Variants in SDR42E1 observed in about 807,000 individuals in gnomAD.
SDR42E1 encodes short chain dehydrogenase/reductase family 42E, member 1.
In SDR42E1, 5 loss-of-function variants were observed where a neutral mutation model predicts 2.6. That is an observed-to-expected ratio of 1.94 (90% confidence interval 1.01 to 4.08). The LOEUF is 4.08. SDR42E1 is among the 30% of genes most tolerant of loss of function. The pLI is 0.00. For synonymous variants in SDR42E1, 231 were observed against 188.3 expected (o/e 1.23, Z -1.86); for missense variants, 596 against 478.6 (o/e 1.25, Z -2.29).
rs2143824569 is a variant in SDR42E1 at position 81,990,643 on chromosome 16, G to A, written c.*8468C>T. The A allele has an allele frequency of 6.6e-6, 1 of 152,284 alleles. No homozygotes were observed. The highest frequency in any genetic ancestry group is 1.9e-4 in the East Asian group (1 of 5,178). 9.4% of individuals were successfully genotyped at this position (152,284 alleles called of 1,614,324 possible). A position where few individuals can be genotyped will look rare whatever the true frequency, so the allele number is the denominator to read the frequency against. ...ACAAGTTCCCCCAAGAGATAAGCAG[G>A]GAATGTTTTATCTCCACTTTACAGA... is the stretch of plus-strand genomic sequence containing the variant. On this transcript the variant is annotated 3_prime_UTR_variant, in exon 3 of 3. Transcript: ENST00000328945.
At chr16:82,008,691 T>C (rs1417963649) in intron 1 of SDR42E1, among the ~76,000 whole-genome samples, 1 of 152,206 alleles carries the variant, frequency 6.6e-6, no homozygotes, top group Non-Finnish European at 1.5e-5. Flanking sequence ...GAGTGTAGGT[T>C]TGAAAAATTT....
chr16:81,989,063 C>G lies in SDR42E1; in HGVS notation c.*10048G>C, dbSNP rs1340793898. 1 of 151,958 alleles carries G rather than the reference C, an allele frequency of 6.6e-6. No individual in the cohort carries two copies. The highest frequency in any genetic ancestry group is 2.4e-5 in the African/African-American group (1 of 41,332). 9.4% of individuals were successfully genotyped at this position (151,958 alleles called of 1,614,324 possible). ...GTGTCTTATATATAGGGTGATCGTA[C>G]AATTTATTATACAAAATGGGACATA... On this transcript the variant is annotated 3_prime_UTR_variant, in exon 3 of 3. Transcript: ENST00000328945.
At chr16:82,000,349 T>C in intron 2 of SDR42E1, 125 bp from the exon 3 acceptor site, 1 of 1,146,098 alleles carries the variant, frequency 8.7e-7, no homozygotes, top group Non-Finnish European at 1.3e-6. Context: ...CCTGAGCCCC[T>C]CACTATGCAT....
In SDR42E1 at chr16:81,995,295, T is replaced by C. The variant is rs1357938553; in HGVS notation, c.*3816A>G. ...GTGCACAAGTGTGAGCATAATTTTATTGTTAGGCAGGGTTGAGTGATTCAA... is the reference window on the plus strand; with the variant it reads ...GTGCACAAGTGTGAGCATAATTTTACTGTTAGGCAGGGTTGAGTGATTCAA... On this transcript the variant is annotated 3_prime_UTR_variant, in exon 3 of 3. Transcript: ENST00000328945. The C allele has an allele frequency of 2.0e-5, 3 of 152,236 alleles. No homozygotes were observed. In the South Asian group the frequency reaches 6.2e-4, roughly 32 times the overall value. 9.4% of individuals were successfully genotyped at this position (152,236 alleles called of 1,614,324 possible).
rs1912489749 is a variant in SDR42E1 at position 81,994,159 on chromosome 16, A to T, written c.*4952T>A. On this transcript the variant is annotated 3_prime_UTR_variant, in exon 3 of 3. Transcript: ENST00000328945. ...GTGAACTGAAGACTCACGTGAGAGG[A>T]CGATCTGGAATGATGAGCGTCCCGC... The T allele has an allele frequency of 6.6e-6, 1 of 152,170 alleles. No individual in the cohort carries two copies. Among genetic ancestry groups the T allele is most frequent in the South Asian group, 2.1e-4 (1 of 4,828 alleles). 9.4% of individuals were successfully genotyped at this position (152,170 alleles called of 1,614,324 possible).
intron 1 of SDR42E1, among the ~76,000 whole-genome samples, chr16:82,010,530 T>C (rs556224479): frequency 6.6e-6 from 1 of 152,268 alleles, no homozygotes; most frequent in Admixed American, 6.5e-5. Context: ...CTGCCTCCCA[T>C]TCTATTCATG....
intron 1 of SDR42E1, among the ~76,000 whole-genome samples, chr16:82,008,559 C>A (rs982890481): frequency 6.6e-6 from 1 of 152,184 alleles, no homozygotes; most frequent in African/African-American, 2.4e-5. Flanking sequence ...TATGTTTTAG[C>A]AAAGAGACTG....
chr16:81,994,797 G>T lies in SDR42E1; in HGVS notation c.*4314C>A, dbSNP rs1912504158. The T allele has an allele frequency of 6.6e-6, 1 of 152,198 alleles. No individual in the cohort carries two copies. 9.4% of individuals were successfully genotyped at this position (152,198 alleles called of 1,614,324 possible). A position where few individuals can be genotyped will look rare whatever the true frequency, so the allele number is the denominator to read the frequency against. The stretch of plus-strand genomic sequence containing the variant: ...CCGGAGATTTGGAAAGCAATACAAG[G>T]TAGAAGCAGCCCCAACAATCTACGA... On this transcript the variant is annotated 3_prime_UTR_variant, in exon 3 of 3. Transcript: ENST00000328945.
chr16:82,007,270 C>A (rs1014178197), intron 1 of SDR42E1, among the ~76,000 whole-genome samples: 1 of 152,230 alleles, frequency 6.6e-6, no homozygotes, highest in African/African-American at 2.4e-5. Flanking sequence ...GTACTTTCTT[C>A]TTCACTAGGT....
chr16:82,005,840 A>G (rs561739745), intron 1 of SDR42E1, among the ~76,000 whole-genome samples: 1 of 152,286 alleles, frequency 6.6e-6, no homozygotes, highest in South Asian at 2.1e-4. Flanking sequence ...AACAAAAAAA[A>G]CCTTAATTAC....
chr16:81,999,261 C>T lies in SDR42E1; in HGVS notation c.1032G>A (p.Gln344=), dbSNP rs765352377. 4.3e-6 allele frequency: 7 copies of T among 1,614,098 alleles called. No individual in the cohort carries two copies. In the African/African-American group the frequency reaches 8.0e-5, roughly 18 times the overall value. The change falls in exon 3 of 3, where the codon CAG becomes CAA. Residue 344 remains glutamine (Q), a synonymous_variant. Coordinates refer to ENST00000328945, the MANE Select transcript of SDR42E1 (RefSeq NM_145168.3). ...GGGCTTTAAACCATTCCACTGCTTC[C>T]TGGAGGTCAAATGGCTGAGCCTTAT... ...LGYKAQPFDL[Q]EAVEWFKAHG... is the part of the protein sequence containing the mutation.
rs1286274597 is a variant in SDR42E1 at position 81,994,094 on chromosome 16, G to A, written c.*5017C>T. ...ACACCAGGACATGCTGCGATTCCTG[G>A]AGAAAAATCGAACTTAAAGGACCTT... On this transcript the variant is annotated 3_prime_UTR_variant, in exon 3 of 3. Coordinates refer to ENST00000328945, the MANE Select transcript of SDR42E1 (RefSeq NM_145168.3). 6.6e-6 allele frequency: 1 copy of A among 152,146 alleles called. No homozygotes were observed. Among genetic ancestry groups the A allele is most frequent in the African/African-American group, 2.4e-5 (1 of 41,420 alleles). The allele number at this position is 152,146 out of a possible 1,614,324, so 9.4% of individuals were successfully genotyped here.
intron 1 of SDR42E1, among the ~76,000 whole-genome samples, chr16:82,009,688 A>G (rs74848839): frequency 0.018 from 2,719 of 152,372 alleles, 92 homozygotes; most frequent in African/African-American, 0.063. Flanking sequence ...GCCTTGCCTC[A>G]GATGAGACTT....
chr16:82,008,445 A>G (rs1913020265), intron 1 of SDR42E1, among the ~76,000 whole-genome samples: 1 of 152,228 alleles, frequency 6.6e-6, no homozygotes, highest in Admixed American at 6.5e-5. Flanking sequence ...GACTTGTTGA[A>G]TGGCTTTCAC....
intron 1 of SDR42E1, among the ~76,000 whole-genome samples, chr16:82,008,700 T>A (rs532302852): frequency 6.6e-6 from 1 of 152,138 alleles, no homozygotes; most frequent in Non-Finnish European, 1.5e-5. Flanking sequence ...TTTGAAAAAT[T>A]TGCAGCCTAA....
intron 2 of SDR42E1, 96 bp downstream of exon 2, chr16:82,000,695 A>C: frequency 1.1e-6 from 1 of 905,508 alleles, no homozygotes. Context: ...TTGACATTAC[A>C]CAAACAAGTA....
In SDR42E1 at chr16:81,996,948, C is replaced by CT; in HGVS notation, c.*2162dup. 6.6e-6 allele frequency: 1 copy of CT among 152,300 alleles called. No individual in the cohort carries two copies. The highest frequency in any genetic ancestry group is 1.9e-4 in the East Asian group (1 of 5,172). The allele number at this position is 152,300 out of a possible 1,614,324, so 9.4% of individuals were successfully genotyped here. On this transcript the variant is annotated 3_prime_UTR_variant, in exon 3 of 3. Coordinates refer to ENST00000328945, the MANE Select transcript of SDR42E1 (RefSeq NM_145168.3). ...ATGGCTGTGGCTGTGAGTATAAAAT[C>CT]TTTTTAAGATCTCAGAAAGGCCTGA...
At chr16:82,003,268 A>C (rs1393767071) in intron 1 of SDR42E1, among the ~76,000 whole-genome samples, 2 of 152,220 alleles carry the variant, frequency 1.3e-5, no homozygotes, top group East Asian at 3.8e-4. Context: ...GCACTCCCTC[A>C]ATGCACCTAA....
Position 81,997,611 on chromosome 16 carries a change from A to C in SDR42E1, c.*1500T>G, listed in dbSNP as rs973919272. The C allele has an allele frequency of 6.6e-6, 1 of 152,232 alleles. No homozygotes were observed. Among genetic ancestry groups the C allele is most frequent in the East Asian group, 1.9e-4 (1 of 5,198 alleles). The allele number at this position is 152,232 out of a possible 1,614,324, so 9.4% of individuals were successfully genotyped here. On this transcript the variant is annotated 3_prime_UTR_variant, in exon 3 of 3. Coordinates refer to ENST00000328945, the MANE Select transcript of SDR42E1 (RefSeq NM_145168.3). ...CTTCTTTATGACAGAAAAGACTCCA[A>C]ACACGTTTTCCTAAAAACAATCACT...
Sources: gnomAD v4.1 joint callset for allele counts (sites outside exome capture counted in the v4.1 genomes callset) on GRCh38, gnomAD v4.1.1 for gene constraint, MANE v1.5 for transcripts, NCBI Gene and HGNC (gene_info 2026-07-23, HGNC 2026-07-21) for gene names.